TRIM45: variants seen among roughly 807,000 people sequenced by gnomAD.
TRIM45 encodes E3 ubiquitin-protein ligase TRIM45.
In TRIM45, 45 loss-of-function variants were observed where a neutral mutation model predicts 46.7. That is an observed-to-expected ratio of 0.96 (90% CI 0.76 to 1.24). TRIM45 has a LOEUF of 1.24. Among genes scored for constraint, TRIM45 ranks in the 50% most tolerant of loss-of-function variants. The probability of loss-of-function intolerance (pLI) is 0.00; values close to 1 mark genes in which losing one functional copy is unlikely to be tolerated. For missense variants in TRIM45, 680 were observed against 728.4 expected (o/e 0.93, Z 0.77); for synonymous variants, 259 against 285.8 (o/e 0.91, Z 0.94).
chr1:117,120,554 T>G (rs994390076), intron 1 of TRIM45, among the ~76,000 whole-genome samples, 160 bp downstream of exon 1: 4 of 152,266 alleles, frequency 2.6e-5, no homozygotes, highest in African/African-American at 9.6e-5. Context: ...CCGGGTTAAC[T>G]GTTGTACTGG....
chr1:117,113,381 G>A lies in TRIM45; in HGVS notation c.1572C>T (p.Cys524=), dbSNP rs535774055. 3.9e-5 allele frequency: 63 copies of A among 1,612,074 alleles called. No homozygotes were observed. Among genetic ancestry groups the A allele is most frequent in the East Asian group, 1.8e-4 (8 of 44,898 alleles). Residue 524 remains cysteine (C), a synonymous_variant, in exon 5 of 6, where the codon TGC becomes TGT. Transcript: ENST00000256649. This position sits in a 1 kb window ranked among gnomAD's most constrained non-coding sequence, Gnocchi z 4.0. ...TACCTGGCATGGTGCCTCCACAGGC[G>A]CAGCGAGCGGTTTTCTGGCCCCCGC... is the stretch of plus-strand genomic sequence containing the variant. ...CSSGGQKTAR[C]ACGGTMPGGY...
intron 5 of TRIM45, 91 bp from the exon 6 acceptor site, chr1:117,112,544 C>T: frequency 8.3e-7 from 1 of 1,206,378 alleles, no homozygotes; most frequent in Non-Finnish European, 1.1e-6. Flanking sequence ...CTCCTGGCAA[C>T]ATGCAGATTC....
intron 1 of TRIM45, among the ~76,000 whole-genome samples, chr1:117,119,024 G>T (rs1650521547): frequency 6.6e-6 from 1 of 152,260 alleles, no homozygotes; most frequent in South Asian, 2.1e-4. Context: ...TGCCTATGCA[G>T]AAGGTTGCAA....
In TRIM45 at chr1:117,121,721, C is replaced by G; in HGVS notation, c.-520G>C. ...TCGGTGTCCACCGCCTCTCCCGCGC[C>G]TCGGCCCGGGACGCCCGCGGGCTCT... On this transcript the variant is annotated 5_prime_UTR_variant, in exon 1 of 6. Transcript: ENST00000256649. This position sits in a 1 kb window ranked among gnomAD's most constrained non-coding sequence, Gnocchi z 4.2. 1 of 592,702 alleles carries G rather than the reference C, an allele frequency of 1.7e-6. No individual in the cohort carries two copies. The highest frequency in any genetic ancestry group is 3.0e-6 in the Non-Finnish European group (1 of 327,972). The allele number at this position is 592,702 out of a possible 1,614,324, so 36.7% of individuals were successfully genotyped here. A position where few individuals can be genotyped will look rare whatever the true frequency, so the allele number is the denominator to read the frequency against.
Position 117,113,314 on chromosome 1 carries a change from C to G in TRIM45, c.1594+45G>C, listed in dbSNP as rs535077660. Reference sequence around the variant, plus strand: ...GTAGGGAAGGGCCCGTCGCTTGATTCCCACTGCTGGCAGAAAGGCCCAGAG... The same window carrying G: ...GTAGGGAAGGGCCCGTCGCTTGATTGCCACTGCTGGCAGAAAGGCCCAGAG... On this transcript the variant is annotated intron_variant, in intron 5 of 5. Coordinates refer to ENST00000256649, the MANE Select transcript of TRIM45 (RefSeq NM_025188.4). The surrounding 1 kb of genome is among the most constrained non-coding windows in gnomAD (Gnocchi z 4.0). The G allele has an allele frequency of 2.5e-6, 4 of 1,603,310 alleles. No homozygotes were observed. In the East Asian group the frequency reaches 6.7e-5, roughly 27 times the overall value.
upstream of TRIM45, among the ~76,000 whole-genome samples, chr1:117,123,832 T>C (rs1177572323): frequency 6.6e-6 from 1 of 152,128 alleles, no homozygotes; most frequent in African/African-American, 2.4e-5. Context: ...GATTTCACCA[T>C]GTTGGGCAGG....
chr1:117,121,451 C>A lies in TRIM45; in HGVS notation c.-250G>T, dbSNP rs552042817. ...CCAGACACGCCCACGCCCTCCTCTG[C>A]CCCGCAAGTCCTCCCCGGATGCGCT... On this transcript the variant is annotated 5_prime_UTR_variant, in exon 1 of 6. Transcript: ENST00000256649. This position sits in a 1 kb window ranked among gnomAD's most constrained non-coding sequence, Gnocchi z 4.2. 141 of 525,534 alleles carry A rather than the reference C, an allele frequency of 2.7e-4. No homozygotes were observed. The highest frequency in any genetic ancestry group is 2.5e-3 in the African/African-American group (132 of 52,088). 32.6% of individuals were successfully genotyped at this position (525,534 alleles called of 1,614,324 possible). A position where few individuals can be genotyped will look rare whatever the true frequency, so the allele number is the denominator to read the frequency against.
chr1:117,119,328 G>A (rs755192400), intron 1 of TRIM45, among the ~76,000 whole-genome samples: 4 of 152,144 alleles, frequency 2.6e-5, no homozygotes, highest in South Asian at 2.1e-4. Flanking sequence ...GAAACCGGCC[G>A]GGCGCGGTGG....
rs76987957 is a variant in TRIM45, at chr1:117,113,873, C to G, written c.1468-388G>C. ...CAAGATGGCAGCAAAAGCAGAAGCCCATGCCACAATAAGCTTAAGCTTTTC... is the reference window on the plus strand; with the variant it reads ...CAAGATGGCAGCAAAAGCAGAAGCCGATGCCACAATAAGCTTAAGCTTTTC... On this transcript the variant is annotated intron_variant, in intron 4 of 5. Coordinates refer to ENST00000256649, the MANE Select transcript of TRIM45 (RefSeq NM_025188.4). This position sits in a 1 kb window ranked among gnomAD's most constrained non-coding sequence, Gnocchi z 4.0. Among the ~76,000 whole-genome samples, 5,388 of 152,300 alleles carry G rather than the reference C, an allele frequency of 0.035. 323 individuals are homozygous for G. The highest frequency in any genetic ancestry group is 0.12 in the African/African-American group (4,939 of 41,548).
rs1307178183 is a variant in TRIM45, at chr1:117,116,177, G to A, written c.1352+439C>T. ...CACACAAGAAAACACATTTGGTCAC[G>A]TAACGTTTCATAGTATTATGGGGAG... On this transcript the variant is annotated intron_variant, in intron 3 of 5. Coordinates refer to ENST00000256649, the MANE Select transcript of TRIM45 (RefSeq NM_025188.4). This position sits in a 1 kb window ranked among gnomAD's most constrained non-coding sequence, Gnocchi z 4.6. Among the ~76,000 whole-genome samples, 5 of 151,986 alleles carry A rather than the reference G, an allele frequency of 3.3e-5. No homozygotes were observed. Among genetic ancestry groups the A allele is most frequent in the Non-Finnish European group, 7.4e-5 (5 of 67,982 alleles).
upstream of TRIM45, chr1:117,121,913 G>C: frequency 1.4e-6 from 1 of 707,056 alleles, no homozygotes; most frequent in African/African-American, 1.8e-5. This position sits in a 1 kb window ranked among gnomAD's most constrained non-coding sequence, Gnocchi z 4.2. Flanking sequence ...CTCACGCGGG[G>C]GGCGGGACCT....
Position 117,121,118 on chromosome 1 carries a change from G to C in TRIM45, c.84C>G (p.His28Gln). 6.2e-7 allele frequency: 1 copy of C among 1,612,922 alleles called. No homozygotes were observed. The highest frequency in any genetic ancestry group is 8.5e-7 in the Non-Finnish European group (1 of 1,179,426). ...TGAAAAGCCCCAAGCACAGGGGGCA[G>C]TGAGTCTTGCCTGAGTTCCCAAGTG... ...GTALGNSGKT[H>Q]CPLCLGLFKA... Residue 28 changes from histidine to glutamine, a missense_variant, in exon 1 of 6, where the codon CAC (histidine) becomes CAG (glutamine). By Grantham distance (24) the His-to-Gln change is conservative. Coordinates refer to ENST00000256649, the MANE Select transcript of TRIM45 (RefSeq NM_025188.4). This position sits in a 1 kb window ranked among gnomAD's most constrained non-coding sequence, Gnocchi z 4.2.
In TRIM45 at chr1:117,116,182, G is replaced by A. The variant is rs188162467; in HGVS notation, c.1352+434C>T. Among the ~76,000 whole-genome samples the A allele has an allele frequency of 1.8e-3, 269 of 151,980 alleles. 1 individual carries two copies. Among genetic ancestry groups the A allele is most frequent in the South Asian group, 3.5e-3 (17 of 4,810 alleles). ...AAGAAAACACATTTGGTCACGTAAC[G>A]TTTCATAGTATTATGGGGAGGTAAG... On this transcript the variant is annotated intron_variant, in intron 3 of 5. Transcript: ENST00000256649. This position sits in a 1 kb window ranked among gnomAD's most constrained non-coding sequence, Gnocchi z 4.6.
chr1:117,123,722 A>G (rs1650755296), upstream of TRIM45, among the ~76,000 whole-genome samples: 1 of 151,326 alleles, frequency 6.6e-6, no homozygotes, highest in Non-Finnish European at 1.5e-5. Context: ...CTCCACCTCC[A>G]GGGTTCAAGC....
At position 117,115,104 on chromosome 1, in the gene TRIM45, A is replaced by T. The variant is rs562225629; in HGVS notation, c.1467+471T>A. On this transcript the variant is annotated intron_variant, in intron 4 of 5. Coordinates refer to ENST00000256649, the MANE Select transcript of TRIM45 (RefSeq NM_025188.4). This position sits in a 1 kb window ranked among gnomAD's most constrained non-coding sequence, Gnocchi z 4.2. The stretch of plus-strand genomic sequence containing the variant: ...CATAGTAACAGAAAAACCTATATGT[A>T]AAACAGAGTAGAAAATTACATGAGC... Among the ~76,000 whole-genome samples, 2 of 152,356 alleles carry T rather than the reference A, an allele frequency of 1.3e-5. No homozygotes were observed. Among genetic ancestry groups the T allele is most frequent in the Admixed American group, 1.3e-4 (2 of 15,314 alleles).
chr1:117,119,387 A>G (rs1380007624), intron 1 of TRIM45, among the ~76,000 whole-genome samples: 1 of 152,058 alleles, frequency 6.6e-6, no homozygotes, highest in Non-Finnish European at 1.5e-5. Flanking sequence ...GGGCGGATCA[A>G]CTGAGGTCAG....
At chr1:117,114,683 T>A (rs1242132909) in intron 4 of TRIM45, among the ~76,000 whole-genome samples, 1 of 152,252 alleles carries the variant, frequency 6.6e-6, no homozygotes, top group Non-Finnish European at 1.5e-5. Context: ...GCAAGTTTGG[T>A]GTCTCAGTCT....
Position 117,115,609 on chromosome 1 carries a change from G to C in TRIM45, c.1433C>G (p.Thr478Ser). 6.2e-7 allele frequency: 1 copy of C among 1,614,130 alleles called. No homozygotes were observed. The highest frequency in any genetic ancestry group is 8.5e-7 in the Non-Finnish European group (1 of 1,180,002). ...SYTPKEPGVY[T>S]VWVCIKEQHV... ...CTGTTCTTTGATGCAGACCCACACA[G>C]TATAGACGCCAGGTTCCTTGGGGGT... Residue 478 changes from threonine to serine, a missense_variant, in exon 4 of 6, where the codon ACT becomes AGT. Transcript: ENST00000256649. The surrounding 1 kb of genome is among the most constrained non-coding windows in gnomAD (Gnocchi z 4.2).
Position 117,112,359 on chromosome 1 carries a change from T to A in TRIM45, c.1689A>T (p.Thr563=), listed in dbSNP as rs112655636. Residue 563 remains threonine (T), a synonymous_variant, in exon 6 of 6, where the codon ACA becomes ACT. Transcript: ENST00000256649. ...TCGGTGCGCTCTGCCCACCTGTCCATGTGCATTCAGATTTCTCATTAAATT... is the reference window on the plus strand; with the variant it reads ...TCGGTGCGCTCTGCCCACCTGTCCAAGTGCATTCAGATTTCTCATTAAATT... ...CGKFNEKSEC[T]WTGGQSAPRS... 5 of 1,614,184 alleles carry A rather than the reference T, an allele frequency of 3.1e-6. No homozygotes were observed. In the Admixed American group the frequency reaches 6.7e-5, roughly 22 times the overall value.
Sources: gnomAD v4.1 joint callset for allele counts (sites outside exome capture counted in the v4.1 genomes callset) on GRCh38, gnomAD v4.1.1 for gene constraint, Gnocchi (gnomAD v3.1) non-coding constraint, MANE v1.5 for transcripts, NCBI Gene and HGNC (gene_info 2026-07-23, HGNC 2026-07-21) for gene names.